PRR5: variants seen among roughly 807,000 people sequenced by gnomAD.
PRR5 encodes proline rich 5, also known as proline-rich protein 5.
Under a neutral mutation model 30.6 loss-of-function variants are expected in PRR5, and 25 were observed. The ratio of observed to expected loss-of-function variants is 0.82; its 90% CI spans 0.60 to 1.14. The LOEUF is 1.14. PRR5 is among the 50% of genes most tolerant of loss of function. The pLI, the probability that PRR5 is intolerant of heterozygous loss-of-function variation, is 0.00. For synonymous variants in PRR5, 286 were observed against 247.1 expected (o/e 1.16, Z -1.48); for missense variants, 600 against 547.1 (o/e 1.10, Z -0.96).
Position 44,671,701 on chromosome 22 carries a change from G to A in PRR5, c.-11+2896G>A, listed in dbSNP as rs147301544. On this transcript the variant is annotated intron_variant, in intron 1 of 8. Transcript: ENST00000432186. Reference sequence around the variant, plus strand: ...GGTGCAGATTGGAATAAACAGCTTAGGCGACTGAGGGGGTGGGTTCTGGAG... The same window carrying A: ...GGTGCAGATTGGAATAAACAGCTTAAGCGACTGAGGGGGTGGGTTCTGGAG... Among the ~76,000 whole-genome samples the A allele has an allele frequency of 1.4e-4, 21 of 152,328 alleles. No individual in the cohort carries two copies. The East Asian group carries it at 4.1e-3, about 29-fold the overall frequency.
chr22:44,717,207 T>TTTC (rs1035263640), intron 2 of PRR5, among the ~76,000 whole-genome samples: 1 of 149,314 alleles, frequency 6.7e-6, no homozygotes, highest in Non-Finnish European at 1.5e-5. Context: ...TTTTTTTTTT[T>TTTC]TGAGACGTAG....
chr22:44,677,908 C>T (rs1191152648), intron 1 of PRR5, among the ~76,000 whole-genome samples: 1 of 152,234 alleles, frequency 6.6e-6, no homozygotes, highest in Non-Finnish European at 1.5e-5. Context: ...ACGGATCATC[C>T]TTTGCACCGG....
At chr22:44,702,181 G>GACCC (rs1926400126), upstream of PRR5, 2 of 943,464 alleles carry the variant, frequency 2.1e-6, no homozygotes, top group African/African-American at 3.6e-5. Context: ...CCCGCCCCTG[G>GACCC]GCCCGCCCCC....
At chr22:44,710,610 T>A (rs1452489624) in intron 1 of PRR5, among the ~76,000 whole-genome samples, 1 of 151,506 alleles carries the variant, frequency 6.6e-6, no homozygotes, top group African/African-American at 2.4e-5. Context: ...CCTTCCTGTA[T>A]CCCTGAGTGG....
At chr22:44,733,302 C>T (rs1057506654) in intron 6 of PRR5, among the ~76,000 whole-genome samples, 19 of 152,264 alleles carry the variant, frequency 1.2e-4, no homozygotes, top group Non-Finnish European at 2.6e-4. Context: ...CACACAGTCA[C>T]TGCCGGCCAC....
At chr22:44,735,216 C>T (rs2147189667) in intron 7 of PRR5, 54 bp downstream of exon 7, 1 of 1,550,936 alleles carries the variant, frequency 6.4e-7, no homozygotes, top group Non-Finnish European at 8.8e-7. Context: ...GGGCCCCATC[C>T]ATTGTGAACA....
rs376522439 is a variant in PRR5, at chr22:44,708,637, A to G, written c.135-5954A>G. 2.0e-4 allele frequency among the ~76,000 whole-genome samples: 31 copies of G among 152,240 alleles called. No homozygotes were observed. In the South Asian group the frequency reaches 5.6e-3, roughly 28 times the overall value. On this transcript the variant is annotated intron_variant, in intron 1 of 7. Coordinates refer to ENST00000336985, the MANE Select transcript of PRR5 (RefSeq NM_181333.4). ...CACAGTAACCTTTAAGGTGAGCTCA[A>G]TACTCCCATTTTGCAGATGAGCAAA...
intron 2 of PRR5, among the ~76,000 whole-genome samples, chr22:44,715,981 A>G (rs995382888): frequency 1.3e-5 from 2 of 152,206 alleles, no homozygotes; most frequent in African/African-American, 4.8e-5. Context: ...AAAAGGAGTT[A>G]CTGTTAAATT....
chr22:44,711,017 G>T (rs1338678004), intron 1 of PRR5, among the ~76,000 whole-genome samples: 1 of 151,088 alleles, frequency 6.6e-6, no homozygotes, highest in Non-Finnish European at 1.5e-5. Flanking sequence ...GAGTTACCCA[G>T]CCCAGAAGTG....
At chr22:44,736,085 A>G (rs1201378750) in intron 7 of PRR5, among the ~76,000 whole-genome samples, 2 of 152,064 alleles carry the variant, frequency 1.3e-5, no homozygotes, top group African/African-American at 2.4e-5. Context: ...CTGCCCCCCA[A>G]CCAGCCTTGG....
intron 2 of PRR5, among the ~76,000 whole-genome samples, chr22:44,721,615 T>C (rs184317443): frequency 2.0e-5 from 3 of 152,268 alleles, no homozygotes; most frequent in South Asian, 2.1e-4. Context: ...GCATGGAACA[T>C]TGGGGTCTTC....
intron 1 of PRR5, 86 bp from the exon 2 acceptor site, chr22:44,714,505 G>C (rs1928750939): frequency 3.2e-6 from 5 of 1,545,668 alleles, no homozygotes; most frequent in Non-Finnish European, 4.4e-6. Context: ...CCTTCTAGGA[G>C]AGAGGGAAAG....
chr22:44,734,627 G>A (rs924890991), intron 6 of PRR5: 5 of 184,850 alleles, frequency 2.7e-5, no homozygotes, highest in Non-Finnish European at 5.6e-5. Flanking sequence ...GCCCCATGGG[G>A]CAGGGAGCCC....
rs767655508 is a variant in PRR5, at chr22:44,710,513, G to T, written c.135-4078G>T. On this transcript the variant is annotated intron_variant, in intron 1 of 7. Transcript: ENST00000336985. ...ATTTACACATGCCCCAACTGGGCCC[G>T]TCTTTGCAGGGCCCAGAGGGGCAGC... is the stretch of plus-strand genomic sequence containing the variant. Among the ~76,000 whole-genome samples the T allele has an allele frequency of 2.9e-3, 439 of 152,308 alleles. 3 individuals are homozygous for T. Among genetic ancestry groups the T allele is most frequent in the African/African-American group, 9.9e-3 (411 of 41,576 alleles).
chr22:44,685,657 A>G (rs1924683053), intron 1 of PRR5, among the ~76,000 whole-genome samples: 2 of 152,168 alleles, frequency 1.3e-5, no homozygotes, highest in African/African-American at 2.4e-5. Flanking sequence ...CCCCAGTGAA[A>G]GGCACACTCA....
intron 4 of PRR5, 53 bp downstream of exon 4, chr22:44,726,687 C>T (rs769169594): frequency 3.7e-6 from 6 of 1,612,422 alleles, no homozygotes; most frequent in Non-Finnish European, 5.1e-6. Context: ...TCCTGGCTGG[C>T]TGCTGGACTG....
chr22:44,724,847 C>T (rs747843778), intron 2 of PRR5, among the ~76,000 whole-genome samples: 9 of 152,156 alleles, frequency 5.9e-5, no homozygotes, highest in Non-Finnish European at 8.8e-5. Context: ...GCTCTGCAGG[C>T]GGAGAGAGGA....
upstream of PRR5, among the ~76,000 whole-genome samples, chr22:44,701,566 C>G (rs543997269): frequency 3.3e-5 from 5 of 152,352 alleles, no homozygotes; most frequent in South Asian, 1.0e-3. Context: ...ACCACAGGGA[C>G]TTGGGAAACT....
chr22:44,718,996 T>A (rs1323487195), intron 2 of PRR5, among the ~76,000 whole-genome samples: 2 of 152,238 alleles, frequency 1.3e-5, no homozygotes, highest in African/African-American at 2.4e-5. Context: ...TTTTTATTTG[T>A]ATAATGTCCA....
Sources: gnomAD v4.1 joint callset for allele counts (sites outside exome capture counted in the v4.1 genomes callset) on GRCh38, gnomAD v4.1.1 for gene constraint, MANE v1.5 for transcripts, NCBI Gene and HGNC (gene_info 2026-07-23, HGNC 2026-07-21) for gene names.